Variants in LARP6 observed in about 807,000 individuals in gnomAD.
LARP6 encodes la-related protein 6.
LARP6 carries 18 observed loss-of-function variants against 32.8 expected under a neutral mutation model. The observed-to-expected ratio is 0.55, with a 90% CI of 0.38 to 0.81. The LOEUF is 0.81. Among genes scored for constraint, LARP6 ranks in the 40% least tolerant of loss-of-function variants. The pLI is 0.00. For synonymous variants in LARP6, 289 were observed against 267.2 expected (o/e 1.08, Z -0.80); for missense variants, 598 against 663.1 (o/e 0.90, Z 1.08).
rs1262810775 is a variant in LARP6 at position 70,831,414 on chromosome 15, T to A, written c.*638A>T. 6.6e-6 allele frequency: 1 copy of A among 152,216 alleles called. No individual in the cohort carries two copies. The highest frequency in any genetic ancestry group is 1.5e-5 in the Non-Finnish European group (1 of 68,040). 9.4% of individuals were successfully genotyped at this position (152,216 alleles called of 1,614,324 possible). On this transcript the variant is annotated 3_prime_UTR_variant, in exon 3 of 3. Transcript: ENST00000299213. ...AAATGTGTACAAATAAAAAAATTTT[T>A]AAATGTTCTCTTAAAGAAAAGAAAG... is the stretch of plus-strand genomic sequence containing the variant.
intron 1 of LARP6, chr15:70,851,812 C>T (rs902322457): frequency 2.8e-5 from 44 of 1,582,786 alleles, no homozygotes; most frequent in Middle Eastern, 1.7e-4. Flanking sequence ...AGAAAGGAAA[C>T]ACAGCCAGCT....
At chr15:70,834,818 T>G (rs1051377118) in intron 2 of LARP6, among the ~76,000 whole-genome samples, 4 of 152,210 alleles carry the variant, frequency 2.6e-5, no homozygotes, top group African/African-American at 9.6e-5. Context: ...CTAGAAGAAC[T>G]CTAAGGTTTC....
Position 70,836,310 on chromosome 15 carries a change from G to C in LARP6, c.396C>G (p.Leu132=), listed in dbSNP as rs756960910. 1 of 1,613,884 alleles carries C rather than the reference G, an allele frequency of 6.2e-7. No homozygotes were observed. The highest frequency in any genetic ancestry group is 8.5e-7 in the Non-Finnish European group (1 of 1,179,874). ...NKLGYVSVKL[L]TSFKKVKHLT... ...CAAGCCTCACCTTTTTGAAGGATGTGAGTAGCTTAACGCTCACATATCCCA... is the reference window on the plus strand; with the variant it reads ...CAAGCCTCACCTTTTTGAAGGATGTCAGTAGCTTAACGCTCACATATCCCA... The change falls in exon 2 of 3, where the codon CTC becomes CTG. Residue 132 remains leucine (L), a synonymous_variant. Coordinates refer to ENST00000299213, the MANE Select transcript of LARP6 (RefSeq NM_018357.4).
Position 70,830,168 on chromosome 15 carries a change from A to G in LARP6, c.*1884T>C, listed in dbSNP as rs2032015124. 1 of 152,298 alleles carries G rather than the reference A, an allele frequency of 6.6e-6. No individual in the cohort carries two copies. Among genetic ancestry groups the G allele is most frequent in the African/African-American group, 2.4e-5 (1 of 41,478 alleles). The allele number at this position is 152,298 out of a possible 1,614,324, so 9.4% of individuals were successfully genotyped here. A position where few individuals can be genotyped will look rare whatever the true frequency, so the allele number is the denominator to read the frequency against. On this transcript the variant is annotated 3_prime_UTR_variant, in exon 3 of 3. Transcript: ENST00000299213. ...AATGGCAAATCCAGAACATTGCTGGAGGCATTTGCCAGTTAACACGAACTC... is the reference window on the plus strand; with the variant it reads ...AATGGCAAATCCAGAACATTGCTGGGGGCATTTGCCAGTTAACACGAACTC...
chr15:70,838,675 G>A (rs2032192265), intron 1 of LARP6, among the ~76,000 whole-genome samples: 1 of 151,988 alleles, frequency 6.6e-6, no homozygotes, highest in African/African-American at 2.4e-5. Flanking sequence ...TTTCATAAGG[G>A]GATTATAACA....
At chr15:70,853,712 G>C (rs1403235053) in intron 1 of LARP6, among the ~76,000 whole-genome samples, 177 bp downstream of exon 1, 1 of 152,168 alleles carries the variant, frequency 6.6e-6, no homozygotes, top group Non-Finnish European at 1.5e-5. Flanking sequence ...CTGGGGCACC[G>C]GCTGCCTCCA....
In LARP6 at chr15:70,830,386, A is replaced by C. The variant is rs1001183905; in HGVS notation, c.*1666T>G. 4 of 152,246 alleles carry C rather than the reference A, an allele frequency of 2.6e-5. No homozygotes were observed. Among genetic ancestry groups the C allele is most frequent in the African/African-American group, 9.6e-5 (4 of 41,470 alleles). The allele number at this position is 152,246 out of a possible 1,614,324, so 9.4% of individuals were successfully genotyped here. The stretch of plus-strand genomic sequence containing the variant: ...TTATGATGGACACTGAGAGTAAGTG[A>C]AATGTGTCTAACCCAATGCCTAGCA... On this transcript the variant is annotated 3_prime_UTR_variant, in exon 3 of 3. Coordinates refer to ENST00000299213, the MANE Select transcript of LARP6 (RefSeq NM_018357.4).
chr15:70,837,201 G>A (rs1285197083), intron 1 of LARP6, among the ~76,000 whole-genome samples: 4 of 132,106 alleles, frequency 3.0e-5, no homozygotes, highest in Non-Finnish European at 6.8e-5. Flanking sequence ...TGGGACCCCT[G>A]TTGCTACAAA....
In LARP6 at chr15:70,832,918, G is replaced by A; in HGVS notation, c.610C>T (p.Gln204Ter). The A allele has an allele frequency of 6.2e-7, 1 of 1,601,702 alleles. No individual in the cohort carries two copies. The highest frequency in any genetic ancestry group is 1.3e-5 in the African/African-American group (1 of 74,562). Residue 204 changes from glutamine to a stop codon, truncating the protein, a stop_gained, in exon 3 of 3, where the codon CAG (glutamine) becomes TAG (stop). Coordinates refer to ENST00000299213, the MANE Select transcript of LARP6 (RefSeq NM_018357.4). LOFTEE classifies it high-confidence loss of function. ...TTCTCTTGCACCCTTCCATTCTTCT[G>A]GGGGGTGGCCAGAGCCCACAGCTTA... Reference protein sequence around the residue: ...SPKLWALATPQKNGRVQEKVM... With the variant: ...SPKLWALATP
chr15:70,838,478 T>C (rs977170636), intron 1 of LARP6, among the ~76,000 whole-genome samples: 4 of 152,162 alleles, frequency 2.6e-5, no homozygotes, highest in Admixed American at 2.6e-4. Context: ...TAATACCTTA[T>C]ATGTTTTGCT....
intron 1 of LARP6, among the ~76,000 whole-genome samples, chr15:70,852,751 C>A (rs941920980): frequency 5.3e-5 from 8 of 152,164 alleles, no homozygotes; most frequent in African/African-American, 1.4e-4. Context: ...GGTGGGCTGA[C>A]TTTTCTCCCC....
Position 70,853,886 on chromosome 15 carries a change from T to A in LARP6, c.200+3A>T. 3.9e-6 allele frequency: 5 copies of A among 1,291,216 alleles called. No individual in the cohort carries two copies. The highest frequency in any genetic ancestry group is 4.9e-6 in the Non-Finnish European group (5 of 1,018,112). The allele number at this position is 1,291,216 out of a possible 1,614,324, so 80.0% of individuals were successfully genotyped here. A position where few individuals can be genotyped will look rare whatever the true frequency, so the allele number is the denominator to read the frequency against. On this transcript the variant is annotated splice_donor_region_variant and intron_variant, in intron 1 of 2. Coordinates refer to ENST00000299213, the MANE Select transcript of LARP6 (RefSeq NM_018357.4). ...CACCTCCCGGGCCAGCCGCCGCGCC[T>A]ACCTGTGCCCGCGGCTCGGCTCCTC...
chr15:70,849,490 T>TA (rs1434528883), intron 1 of LARP6: 1 of 152,246 alleles, frequency 6.6e-6, no homozygotes, highest in Non-Finnish European at 1.5e-5. Flanking sequence ...TCTTAGTTTC[T>TA]AAATACTTTC....
intron 1 of LARP6, among the ~76,000 whole-genome samples, chr15:70,847,373 T>G (rs1340097825): frequency 6.9e-6 from 1 of 144,538 alleles, no homozygotes; most frequent in East Asian, 2.0e-4. Context: ...AGTGCTGAAT[T>G]TTTTTTTTTT....
chr15:70,832,683 C>G lies in LARP6; in HGVS notation c.845G>C (p.Gly282Ala), dbSNP rs374231916. The G allele has an allele frequency of 1.2e-6, 2 of 1,606,502 alleles. No individual in the cohort carries two copies. The highest frequency in any genetic ancestry group is 2.7e-5 in the African/African-American group (2 of 74,350). Residue 282 changes from glycine (G) to alanine (A), a missense_variant, in exon 3 of 3, where the codon GGC becomes GCC. Around this residue, in one of 3 missense-constraint regions of LARP6, gnomAD observed 368 missense variants for 397.9 expected, o/e 0.92. Transcript: ENST00000299213. ...CAGGACAGCTTTCATGTTCTCTTTG[C>G]CCTGAGATTCTGTGATCATGAACTC... Reference protein sequence around the residue: ...AHEFMITESQGKENMKAVLIG... With the variant: ...AHEFMITESQAKENMKAVLIG...
intron 1 of LARP6, among the ~76,000 whole-genome samples, chr15:70,848,328 T>C (rs1427092968): frequency 6.6e-6 from 1 of 152,216 alleles, no homozygotes; most frequent in Non-Finnish European, 1.5e-5. Context: ...GGGAAAGGGA[T>C]ATACAACTAG....
At chr15:70,847,770 C>T (rs2032374725) in intron 1 of LARP6, among the ~76,000 whole-genome samples, 1 of 150,850 alleles carries the variant, frequency 6.6e-6, no homozygotes, top group Admixed American at 6.6e-5. Context: ...CGAATGATAC[C>T]CTATAGGAGG....
Position 70,854,134 on chromosome 15 carries a change from C to A in LARP6, c.-46G>T, listed in dbSNP as rs757201507. 14 of 1,205,598 alleles carry A rather than the reference C, an allele frequency of 1.2e-5. No individual in the cohort carries two copies. In the South Asian group the frequency reaches 4.6e-4, roughly 40 times the overall value. The allele number at this position is 1,205,598 out of a possible 1,614,324, so 74.7% of individuals were successfully genotyped here. On this transcript the variant is annotated 5_prime_UTR_variant, in exon 1 of 3. Transcript: ENST00000299213. The stretch of plus-strand genomic sequence containing the variant: ...CGCCGGGGTCCTCACGCCGCAAGGC[C>A]CAGCCAGCCGGTCGGCAGCGACTGC...
At chr15:70,839,683 C>T (rs1595952264) in intron 1 of LARP6, among the ~76,000 whole-genome samples, 2 of 151,920 alleles carry the variant, frequency 1.3e-5, no homozygotes, top group Admixed American at 6.6e-5. Context: ...CCCGGGTTCA[C>T]GCCATTCTCC....
Sources: allele counts gnomAD v4.1 joint callset (sites outside exome capture counted in the v4.1 genomes callset), GRCh38; gene constraint gnomAD v4.1.1; regional missense constraint gnomAD v4.1.1; transcripts MANE v1.5; gene names NCBI Gene and HGNC (gene_info 2026-07-23, HGNC 2026-07-21).